PLAC1: variants seen among roughly 807,000 people sequenced by gnomAD.
PLAC1 encodes the protein placenta associated 1, also known as placenta-specific protein 1.
For missense variants in PLAC1, 136 were observed against 163.2 expected (o/e 0.83, Z 0.91); for synonymous variants, 68 against 62.1 (o/e 1.09, Z -0.44).
intron 1 of PLAC1, among the ~76,000 whole-genome samples, chrX:134,631,156 T>C (rs1228059636): frequency 8.9e-6 from 1 of 112,423 alleles, no homozygotes; most frequent in Non-Finnish European, 1.9e-5. Flanking sequence ...GTCATGATGG[T>C]ATAATATTGT....
chrX:134,727,679 G>T (rs1321437334), intron 2 of PLAC1, among the ~76,000 whole-genome samples: 1 of 112,255 alleles, frequency 8.9e-6, no homozygotes, highest in African/African-American at 3.2e-5. Flanking sequence ...GGAGGACAGA[G>T]AATCTGATTT....
In PLAC1 at chrX:134,654,200, G is replaced by A. The variant is rs751283876; in HGVS notation, c.-131+4128C>T. Among the ~76,000 whole-genome samples the A allele has an allele frequency of 3.9e-4, 44 of 112,037 alleles. No homozygotes were observed. The East Asian group carries it at 0.012, about 31-fold the overall frequency. On this transcript the variant is annotated intron_variant, in intron 1 of 2. Transcript: ENST00000359237. ...GACTTCAGCATTTCTCAGGCATCTT[G>A]CCTGCTCTGTCTATTCTCAGGCCTT...
At chrX:134,568,677 C>T (rs1461218977) in intron 2 of PLAC1, among the ~76,000 whole-genome samples, 1 of 111,259 alleles carries the variant, frequency 9.0e-6, no homozygotes, top group African/African-American at 3.3e-5. Context: ...CAAAAACCTA[C>T]TCCCTTTCTC....
At chrX:134,571,810 CTT>C (rs1245529373) in intron 2 of PLAC1, among the ~76,000 whole-genome samples, 1 of 111,621 alleles carries the variant, frequency 9.0e-6, no homozygotes, top group Admixed American at 9.6e-5. Context: ...CGTATGAACT[CTT>C]TGCATGAAGA....
At chrX:134,648,002 C>A (rs1419436161) in intron 1 of PLAC1, among the ~76,000 whole-genome samples, 1 of 111,593 alleles carries the variant, frequency 9.0e-6, no homozygotes, top group Non-Finnish European at 1.9e-5. Context: ...AGAATCAGGT[C>A]TGACTGTTCA....
At chrX:134,725,313 C>T (rs2078670628) in intron 2 of PLAC1, among the ~76,000 whole-genome samples, 2 of 111,041 alleles carry the variant, frequency 1.8e-5, no homozygotes, top group African/African-American at 6.6e-5. Flanking sequence ...CCTCCCCTTA[C>T]CCCCTCTCTT....
intron 2 of PLAC1, among the ~76,000 whole-genome samples, chrX:134,705,000 T>TTATATA (rs746596481): frequency 1.5e-3 from 125 of 81,164 alleles, no homozygotes; most frequent in African/African-American, 3.2e-3. Flanking sequence ...CTCAAAAAAA[T>TTATATA]TATATATATA....
chrX:134,603,151 C>T (rs1204391019), intron 1 of PLAC1, among the ~76,000 whole-genome samples: 1 of 98,747 alleles, frequency 1.0e-5, no homozygotes, highest in Admixed American at 1.1e-4. Context: ...TCAGAAGTAA[C>T]TATCAGATGA....
intron 2 of PLAC1, among the ~76,000 whole-genome samples, chrX:134,717,184 G>A (rs755517973): frequency 9.0e-6 from 1 of 111,689 alleles, no homozygotes; most frequent in East Asian, 2.8e-4. Flanking sequence ...TGCTGGGTAC[G>A]TGTGCGTTCT....
intron 2 of PLAC1, among the ~76,000 whole-genome samples, chrX:134,597,745 C>T (rs763551693): frequency 3.6e-5 from 4 of 111,772 alleles, no homozygotes; most frequent in Admixed American, 1.9e-4. Flanking sequence ...TGCAGTTTTT[C>T]CTGTGGTGTT....
At chrX:134,672,334 C>CG (rs2078458522) in intron 2 of PLAC1, among the ~76,000 whole-genome samples, 1 of 110,980 alleles carries the variant, frequency 9.0e-6, no homozygotes, top group Non-Finnish European at 1.9e-5. Context: ...CAGGGGCTGA[C>CG]GGGGTATCTC....
chrX:134,589,500 G>A (rs760306928), intron 2 of PLAC1, among the ~76,000 whole-genome samples: 70 of 110,979 alleles, frequency 6.3e-4, no homozygotes, highest in African/African-American at 2.1e-3. Flanking sequence ...CACTTTGGGA[G>A]TGGATCACTT....
intron 2 of PLAC1, among the ~76,000 whole-genome samples, chrX:134,569,913 C>T (rs1459601671): frequency 9.1e-6 from 1 of 110,258 alleles, no homozygotes; most frequent in Non-Finnish European, 1.9e-5. Context: ...GCAACCTCCG[C>T]CTCCTGGGTT....
intron 1 of PLAC1, among the ~76,000 whole-genome samples, chrX:134,613,841 T>A (rs758407384): frequency 3.3e-4 from 37 of 111,016 alleles, no homozygotes; most frequent in African/African-American, 1.0e-3. Context: ...CTCCACTGCC[T>A]TTTCTTGCCG....
chrX:134,639,400 A>G (rs2078297890), intron 1 of PLAC1, among the ~76,000 whole-genome samples: 1 of 111,510 alleles, frequency 9.0e-6, no homozygotes, highest in African/African-American at 3.3e-5. Context: ...GAATGGAGAT[A>G]GGAATAAACA....
chrX:134,611,746 C>T (rs774267595), intron 1 of PLAC1, among the ~76,000 whole-genome samples: 3 of 110,516 alleles, frequency 2.7e-5, no homozygotes, highest in East Asian at 2.8e-4. Context: ...CCAGAAATAA[C>T]GAGTTAAAAA....
At chrX:134,594,399 G>T (rs1160317372) in intron 2 of PLAC1, among the ~76,000 whole-genome samples, 5 of 111,649 alleles carry the variant, frequency 4.5e-5, no homozygotes, top group African/African-American at 1.6e-4. Flanking sequence ...AGGGTAATAT[G>T]AGCTTAATAA....
intron 2 of PLAC1, among the ~76,000 whole-genome samples, chrX:134,589,240 C>T (rs186200484): frequency 9.0e-6 from 1 of 111,656 alleles, no homozygotes; most frequent in Admixed American, 9.5e-5. Flanking sequence ...CGCTTGTTCC[C>T]TTGGGGAAAA....
intron 2 of PLAC1, among the ~76,000 whole-genome samples, chrX:134,700,811 CAT>C (rs1313725680): frequency 8.9e-6 from 1 of 111,968 alleles, no homozygotes. Flanking sequence ...AATAGAAAAA[CAT>C]ATAATACTCA....
Sources: gnomAD v4.1 joint callset for allele counts (sites outside exome capture counted in the v4.1 genomes callset) on GRCh38, gnomAD v4.1.1 for gene constraint, MANE v1.5 for transcripts, NCBI Gene and HGNC (gene_info 2026-07-23, HGNC 2026-07-21) for gene names.